REEP3: variants seen among roughly 807,000 people sequenced by gnomAD.
The protein encoded by REEP3 is receptor expression-enhancing protein 3.
Under a neutral mutation model 41.3 loss-of-function variants are expected in REEP3, and 20 were observed. The observed-to-expected ratio is 0.48, with a 90% CI of 0.34 to 0.70. The LOEUF is 0.70. Among genes scored for constraint, REEP3 ranks in the 30% least tolerant of loss-of-function variants. The pLI is 0.01. For missense variants in REEP3, 271 were observed against 308.8 expected (o/e 0.88, Z 0.92); for synonymous variants, 104 against 101.8 (o/e 1.02, Z -0.13).
chr10:63,624,000 AAC>A lies in REEP3; in HGVS notation c.*3135_*3136del, dbSNP rs1956376998. ...TTTCTTTTTTTTCCTTTTTTAGAAT[AAC>A]ACAGTCTGTGCTTTCCAAAAATGCT... On this transcript the variant is annotated 3_prime_UTR_variant, in exon 8 of 8. Transcript: ENST00000373758. The A allele has an allele frequency of 6.6e-6, 1 of 152,268 alleles. No individual in the cohort carries two copies. Among genetic ancestry groups the A allele is most frequent in the South Asian group, 2.1e-4 (1 of 4,834 alleles). 9.4% of individuals were successfully genotyped at this position (152,268 alleles called of 1,614,324 possible).
At chr10:63,541,061 T>C (rs919423251) in intron 1 of REEP3, among the ~76,000 whole-genome samples, 4 of 152,228 alleles carry the variant, frequency 2.6e-5, no homozygotes, top group Non-Finnish European at 5.9e-5. Flanking sequence ...TGGCAGTGTT[T>C]CTATAATAAA....
intron 2 of REEP3, among the ~76,000 whole-genome samples, chr10:63,587,495 G>A (rs78648677): frequency 6.6e-6 from 1 of 152,312 alleles, no homozygotes; most frequent in African/African-American, 2.4e-5. Flanking sequence ...TTATACTGCG[G>A]TAGGCTAAGC....
intron 2 of REEP3, among the ~76,000 whole-genome samples, chr10:63,576,600 G>A (rs1251090324): frequency 2.6e-5 from 4 of 152,272 alleles, no homozygotes; most frequent in Middle Eastern, 3.4e-3. Flanking sequence ...ATAAGGTCAC[G>A]TTCTGAGGGA....
chr10:63,575,734 A>G (rs537881029), intron 2 of REEP3, among the ~76,000 whole-genome samples: 5 of 151,968 alleles, frequency 3.3e-5, no homozygotes, highest in Non-Finnish European at 5.9e-5. Context: ...AATTTATTCT[A>G]TTTTATTTTA....
intron 6 of REEP3, among the ~76,000 whole-genome samples, chr10:63,617,158 G>A (rs1422203667): frequency 1.3e-5 from 2 of 151,910 alleles, no homozygotes; most frequent in Non-Finnish European, 2.9e-5. Flanking sequence ...TCTTCCACCC[G>A]GAACACACAC....
chr10:63,592,363 C>A (rs540076933), intron 2 of REEP3, among the ~76,000 whole-genome samples: 67 of 152,216 alleles, frequency 4.4e-4, no homozygotes, highest in African/African-American at 1.5e-3. Context: ...TTAGAGTCTC[C>A]CCAAGAGTCT....
intron 1 of REEP3, among the ~76,000 whole-genome samples, chr10:63,541,935 G>A (rs904595163): frequency 1.3e-5 from 2 of 151,976 alleles, no homozygotes; most frequent in Non-Finnish European, 2.9e-5. Flanking sequence ...TTATGCATAA[G>A]GTAAAACTTA....
rs76956053 is a variant in REEP3, at chr10:63,614,437, A to T, written c.565+4103A>T. Among the ~76,000 whole-genome samples, 82 of 152,342 alleles carry T rather than the reference A, an allele frequency of 5.4e-4. No homozygotes were observed. In the East Asian group the frequency reaches 0.015, roughly 28 times the overall value. On this transcript the variant is annotated intron_variant, in intron 6 of 7. Coordinates refer to ENST00000373758, the MANE Select transcript of REEP3 (RefSeq NM_001001330.3). Reference sequence around the variant, plus strand: ...GTCTGACAGCAGCTGGGCTAGAGTCATAATCTCAAAGAGAGCTCACACATC... The same window carrying T: ...GTCTGACAGCAGCTGGGCTAGAGTCTTAATCTCAAAGAGAGCTCACACATC...
At chr10:63,603,544 CA>C (rs1564490163) in intron 5 of REEP3, among the ~76,000 whole-genome samples, 1 of 151,976 alleles carries the variant, frequency 6.6e-6, no homozygotes, top group Non-Finnish European at 1.5e-5. Flanking sequence ...GTGTCCACCC[CA>C]AAGGCAGTAA....
At chr10:63,525,506 C>A (rs1405436532) in intron 1 of REEP3, among the ~76,000 whole-genome samples, 3 of 152,052 alleles carry the variant, frequency 2.0e-5, no homozygotes, top group African/African-American at 7.2e-5. Context: ...GCAATTTCCG[C>A]CTCCCGGGTT....
At chr10:63,542,697 AGAAAT>A (rs1385597865) in intron 1 of REEP3, among the ~76,000 whole-genome samples, 1 of 152,216 alleles carries the variant, frequency 6.6e-6, no homozygotes, top group Non-Finnish European at 1.5e-5. Flanking sequence ...AGAATTATAA[AGAAAT>A]GAAAGATGAT....
chr10:63,617,631 CT>C (rs897417219), intron 6 of REEP3, among the ~76,000 whole-genome samples: 2 of 151,976 alleles, frequency 1.3e-5, no homozygotes, highest in African/African-American at 4.8e-5. Context: ...AACTCCTAAG[CT>C]TAAGCGAACC....
At chr10:63,613,438 A>G (rs1159693384) in intron 6 of REEP3, among the ~76,000 whole-genome samples, 1 of 152,242 alleles carries the variant, frequency 6.6e-6, no homozygotes, top group Non-Finnish European at 1.5e-5. Context: ...CAGTATAAGA[A>G]AGATATTTGT....
chr10:63,580,858 T>A (rs1234050202), intron 2 of REEP3, among the ~76,000 whole-genome samples: 1 of 151,520 alleles, frequency 6.6e-6, no homozygotes, highest in African/African-American at 2.4e-5. Context: ...ACAAAAAAAA[T>A]AAAAATAGCC....
chr10:63,574,847 C>CTTT lies in REEP3; in HGVS notation c.105+8463_105+8465dup, dbSNP rs56001048. Among the ~76,000 whole-genome samples, 23 of 58,884 alleles carry CTTT rather than the reference C, an allele frequency of 3.9e-4. 1 individual carries two copies. The highest frequency in any genetic ancestry group is 9.4e-4 in the South Asian group (1 of 1,064). 38.6% of individuals were successfully genotyped at this position (58,884 alleles called of 152,430 possible). A position where few individuals can be genotyped will look rare whatever the true frequency, so the allele number is the denominator to read the frequency against. On this transcript the variant is annotated intron_variant, in intron 2 of 7. Transcript: ENST00000373758. Reference sequence around the variant, plus strand: ...GAAGGCTATAATGAGAGGTCAATTTCTTTTTTTTTTTTTTTTTTTTTTTTT... The same window carrying CTTT: ...GAAGGCTATAATGAGAGGTCAATTTCTTTTTTTTTTTTTTTTTTTTTTTTTTTT...
At chr10:63,561,774 G>C (rs1167582174) in intron 1 of REEP3, among the ~76,000 whole-genome samples, 1 of 152,156 alleles carries the variant, frequency 6.6e-6, no homozygotes, top group East Asian at 1.9e-4. Context: ...CACCAAGGGA[G>C]AACCACCAGG....
At chr10:63,567,809 G>A (rs1488481326) in intron 2 of REEP3, among the ~76,000 whole-genome samples, 2 of 152,026 alleles carry the variant, frequency 1.3e-5, no homozygotes, top group Non-Finnish European at 2.9e-5. Flanking sequence ...TTTGGGGGGT[G>A]GGAGGAAGGG....
intron 5 of REEP3, among the ~76,000 whole-genome samples, chr10:63,602,791 A>C (rs2133417810): frequency 6.6e-6 from 1 of 152,136 alleles, no homozygotes; most frequent in Admixed American, 6.5e-5. Flanking sequence ...TTTTTATCTT[A>C]CACTTCGCCT....
intron 2 of REEP3, among the ~76,000 whole-genome samples, chr10:63,575,188 A>G (rs1049208950): frequency 6.6e-6 from 1 of 152,082 alleles, no homozygotes; most frequent in African/African-American, 2.4e-5. Context: ...GCTAGGTTGG[A>G]AATCATTTTC....
Sources: gnomAD v4.1 joint callset for allele counts (sites outside exome capture counted in the v4.1 genomes callset) on GRCh38, gnomAD v4.1.1 for gene constraint, MANE v1.5 for transcripts, NCBI Gene and HGNC (gene_info 2026-07-23, HGNC 2026-07-21) for gene names.